Variants in PFKFB3 observed in about 807,000 individuals in gnomAD.
PFKFB3 encodes the protein 6-phosphofructo-2-kinase/fructose-2,6-biphosphatase 3, also known as 6-phosphofructo-2-kinase/fructose-2,6-bisphosphatase 3.
Under a neutral mutation model 68.0 loss-of-function variants are expected in PFKFB3, and 33 were observed. That is an observed-to-expected ratio of 0.49 (90% CI 0.37 to 0.65). The LOEUF is 0.65. Ranked by LOEUF, PFKFB3 falls within the 30% of genes least tolerant of loss-of-function variation. PFKFB3 has a pLI of 0.00. For synonymous variants in PFKFB3, 315 were observed against 288.2 expected (o/e 1.09, Z -0.94); for missense variants, 586 against 712.2 (o/e 0.82, Z 2.02).
At chr10:6,159,585 G>A (rs1193879137) in intron 1 of PFKFB3, among the ~76,000 whole-genome samples, 4 of 151,346 alleles carry the variant, frequency 2.6e-5, no homozygotes, top group Admixed American at 6.6e-5. Context: ...CCAGTTACCC[G>A]GGAGGCTGAG....
the PFKFB3 span, among the ~76,000 whole-genome samples, chr10:6,302,874 T>G: frequency 6.6e-6 from 1 of 152,078 alleles, no homozygotes; most frequent in African/African-American, 2.4e-5. Context: ...CTTTGAAATT[T>G]AGAAAAACTG....
Position 6,232,953 on chromosome 10 carries a change from TCGGTTCCATTC to T in PFKFB3, c.*13_*23del. Reference sequence around the variant, plus strand: ...TCCAGGAAACACTGAGGCAGACGTGTCGGTTCCATTCCATTTCCATTTCTGCAGCTTAGCTT... The same window carrying T: ...TCCAGGAAACACTGAGGCAGACGTGTCATTTCCATTTCTGCAGCTTAGCTT... On this transcript the variant is annotated 3_prime_UTR_variant, in exon 15 of 15. Transcript: ENST00000379775. The T allele has an allele frequency of 6.2e-7, 1 of 1,606,528 alleles. No homozygotes were observed. Among genetic ancestry groups the T allele is most frequent in the Non-Finnish European group, 8.5e-7 (1 of 1,173,378 alleles).
upstream of PFKFB3, among the ~76,000 whole-genome samples, chr10:6,198,013 T>C (rs1040923993): frequency 6.6e-6 from 1 of 152,166 alleles, no homozygotes. Flanking sequence ...ACAATTTACT[T>C]AGATAAATCA....
chr10:6,216,501 T>C (rs1844596729), intron 4 of PFKFB3, among the ~76,000 whole-genome samples: 1 of 152,154 alleles, frequency 6.6e-6, no homozygotes, highest in African/African-American at 2.4e-5. Flanking sequence ...TCCCCCACGC[T>C]ACCACCCCTG....
At chr10:6,177,401 T>TTTCTTTCTTTCTTTC (rs1367142859) in intron 1 of PFKFB3, among the ~76,000 whole-genome samples, 1 of 143,934 alleles carries the variant, frequency 6.9e-6, no homozygotes, top group Non-Finnish European at 1.5e-5. Flanking sequence ...TCTTTCTTTC[T>TTTCTTTCTTTCTTTC]TTCTTTCTTC....
At chr10:6,245,631 T>C (rs151223375) in intron 14 of PFKFB3, 1 of 152,196 alleles carries the variant, frequency 6.6e-6, no homozygotes, top group Non-Finnish European at 1.5e-5. Flanking sequence ...TGTTGCTCCA[T>C]GTTGTCCAGG....
rs372800366 is a variant in PFKFB3 at position 6,226,320 on chromosome 10, G to A, written c.1470G>A (p.Leu490=). 3.7e-6 allele frequency: 6 copies of A among 1,613,852 alleles called. No homozygotes were observed. Among genetic ancestry groups the A allele is most frequent in the African/African-American group, 2.7e-5 (2 of 74,930 alleles). Residue 490 remains leucine (L), a synonymous_variant, in exon 14 of 15, where the codon CTG becomes CTA. Transcript: ENST00000379775. ...ATGTGGCCTCCACCTCGGCCGCCCT[G>A]CCCAGCTGCCTGCCCCCGGAGGTGC... ...EEHVASTSAA[L]PSCLPPEVPT...
At chr10:6,276,867 T>TGTGTGTGC in the PFKFB3 span, among the ~76,000 whole-genome samples, 2 of 150,326 alleles carry the variant, frequency 1.3e-5, no homozygotes, top group Non-Finnish European at 3.0e-5. Context: ...TGTGTGTGTG[T>TGTGTGTGC]AGTTGTAGGC....
At chr10:6,256,761 A>G (rs10795941), downstream of PFKFB3, among the ~76,000 whole-genome samples, 100,267 of 152,190 alleles carry the variant, frequency 0.66, 36,884 homozygotes, top group Non-Finnish European at 0.83. Context: ...GGCCTTTCAG[A>G]CCTGGATAGG....
intron 6 of PFKFB3, among the ~76,000 whole-genome samples, chr10:6,217,693 T>C (rs1273548364): frequency 6.6e-6 from 1 of 152,140 alleles, no homozygotes; most frequent in Non-Finnish European, 1.5e-5. Flanking sequence ...CTCCTGTCTG[T>C]GCTGTGCAGG....
At chr10:6,243,788 A>G (rs1846194025) in intron 14 of PFKFB3, among the ~76,000 whole-genome samples, 1 of 152,218 alleles carries the variant, frequency 6.6e-6, no homozygotes, top group Admixed American at 6.5e-5. Flanking sequence ...CAGTGGCACG[A>G]TTATAGCTCA....
chr10:6,274,242 A>G, the PFKFB3 span, among the ~76,000 whole-genome samples: 31 of 151,856 alleles, frequency 2.0e-4, no homozygotes, highest in Non-Finnish European at 5.9e-5. Flanking sequence ...AAGTCCCTCC[A>G]TCTGAAGTAC....
chr10:6,275,216 C>T, the PFKFB3 span, among the ~76,000 whole-genome samples: 1 of 152,184 alleles, frequency 6.6e-6, no homozygotes, highest in Non-Finnish European at 1.5e-5. The surrounding 1 kb of genome is among the most constrained non-coding windows in gnomAD (Gnocchi z 4.9). Flanking sequence ...GTTGTCATGG[C>T]GACAAACCGA....
rs144059187 is a variant in PFKFB3 at position 6,155,763 on chromosome 10, C to T, written c.16+10750C>T. Among the ~76,000 whole-genome samples the T allele has an allele frequency of 1.8e-3, 268 of 152,290 alleles. 2 individuals carry two copies. Among genetic ancestry groups the T allele is most frequent in the African/African-American group, 6.1e-3 (254 of 41,542 alleles). On this transcript the variant is annotated intron_variant, in intron 1 of 14. Transcript: ENST00000379789. ...TCGACAGTCAGGTCACCCCTACCTCCAGCTAACCCTCGTGCCACAGGCTTG... is the reference window on the plus strand; with the variant it reads ...TCGACAGTCAGGTCACCCCTACCTCTAGCTAACCCTCGTGCCACAGGCTTG...
the PFKFB3 span, among the ~76,000 whole-genome samples, chr10:6,322,874 A>C: frequency 1.3e-5 from 2 of 152,192 alleles, no homozygotes; most frequent in South Asian, 2.1e-4. Flanking sequence ...GAAACCTCTC[A>C]TAATCCTAGT....
chr10:6,313,670 C>T, the PFKFB3 span, among the ~76,000 whole-genome samples: 1 of 152,180 alleles, frequency 6.6e-6, no homozygotes, highest in African/African-American at 2.4e-5. This position sits in a 1 kb window ranked among gnomAD's most constrained non-coding sequence, Gnocchi z 4.2. Flanking sequence ...CTCTTTCTGC[C>T]TCTAGATGAT....
intron 1 of PFKFB3, among the ~76,000 whole-genome samples, chr10:6,177,423 TCCTTTCTTTTCTTTC>T (rs1842530363): frequency 6.7e-5 from 8 of 118,652 alleles, no homozygotes; most frequent in Non-Finnish European, 9.0e-5. Context: ...TTCTCTTTCT[TCCTTTCTTTTCTTTC>T]TCTTTCTTTC....
chr10:6,196,233 C>T (rs867803075), intron 1 of PFKFB3, among the ~76,000 whole-genome samples: 5 of 151,886 alleles, frequency 3.3e-5, no homozygotes, highest in African/African-American at 9.7e-5. Context: ...CCGGTTCAAG[C>T]GATTCTTCCA....
intron 1 of PFKFB3, among the ~76,000 whole-genome samples, chr10:6,183,614 A>AAAAAT (rs1242752213): frequency 4.9e-4 from 46 of 93,948 alleles, no homozygotes; most frequent in African/African-American, 1.3e-3. Context: ...AAAAAAAAAA[A>AAAAAT]ATATATATAT....
Sources: allele counts gnomAD v4.1 joint callset (sites outside exome capture counted in the v4.1 genomes callset), GRCh38; gene constraint gnomAD v4.1.1; non-coding constraint Gnocchi (gnomAD v3.1); transcripts MANE v1.5; gene names NCBI Gene and HGNC (gene_info 2026-07-23, HGNC 2026-07-21).